TPO: variants seen among roughly 807,000 people sequenced by gnomAD.
TPO encodes thyroid microsomal antigen.
Under a neutral mutation model 96.9 loss-of-function variants are expected in TPO, and 78 were observed. The ratio of observed to expected loss-of-function variants is 0.81; its 90% CI spans 0.67 to 0.97. The LOEUF (loss-of-function observed/expected upper bound fraction) is 0.97. TPO is among the 50% of genes least tolerant of loss of function. TPO has a pLI of 0.00. For missense variants in TPO, 1,252 were observed against 1,274.8 expected, an observed-to-expected ratio of 0.98 and a Z score of 0.27; for synonymous variants, 547 against 538.0, an observed-to-expected ratio of 1.02 and a Z score of -0.23.
intron 14 of TPO, among the ~76,000 whole-genome samples, chr2:1,514,602 T>A (rs1674493283): frequency 6.6e-6 from 1 of 152,100 alleles, no homozygotes; most frequent in African/African-American, 2.4e-5. Flanking sequence ...GGGGTGGCAC[T>A]GAAGAGGTCG....
chr2:1,511,797 G>A (rs1490620580), intron 14 of TPO, among the ~76,000 whole-genome samples: 1 of 152,154 alleles, frequency 6.6e-6, no homozygotes, highest in Non-Finnish European at 1.5e-5. Flanking sequence ...CCCCAAATCA[G>A]CCACATTCTG....
chr2:1,386,393 C>T (rs926999624), intron 1 of TPO, among the ~76,000 whole-genome samples: 36 of 152,154 alleles, frequency 2.4e-4, no homozygotes, highest in African/African-American at 4.1e-4. Context: ...TGAATCTGGG[C>T]GATCCTGTAT....
At chr2:1,482,022 G>A (rs1670693726) in intron 8 of TPO, among the ~76,000 whole-genome samples, 2 of 152,222 alleles carry the variant, frequency 1.3e-5, no homozygotes, top group Admixed American at 1.3e-4. Flanking sequence ...CCTCCCTGGA[G>A]CACCCTCAGC....
chr2:1,375,657 G>A (rs957620300), intron 1 of TPO, among the ~76,000 whole-genome samples: 9 of 152,102 alleles, frequency 5.9e-5, no homozygotes, highest in African/African-American at 1.4e-4. Context: ...TGTGTGACGC[G>A]GGTCCCAAGC....
intron 7 of TPO, among the ~76,000 whole-genome samples, chr2:1,465,535 G>T (rs138182290): frequency 6.6e-6 from 1 of 152,234 alleles, no homozygotes; most frequent in East Asian, 1.9e-4. Context: ...CCATGTGCAT[G>T]GGTTGTGTCC....
intron 1 of TPO, among the ~76,000 whole-genome samples, chr2:1,398,516 C>T (rs1413684687): frequency 1.3e-5 from 2 of 152,182 alleles, no homozygotes; most frequent in South Asian, 2.1e-4. Flanking sequence ...ACCCAGTGGG[C>T]GGCTCCTGTT....
At chr2:1,473,204 C>T (rs1349645603) in intron 7 of TPO, among the ~76,000 whole-genome samples, 6 of 152,296 alleles carry the variant, frequency 3.9e-5, no homozygotes, top group Admixed American at 6.5e-5. Flanking sequence ...TGCTCGAAGT[C>T]GACAGTGACC....
chr2:1,534,354 G>C (rs1472849380), intron 15 of TPO, among the ~76,000 whole-genome samples: 1 of 109,476 alleles, frequency 9.1e-6, no homozygotes, highest in Non-Finnish European at 1.9e-5. Context: ...TCCCTAAGTC[G>C]TCCAACTGTG....
intron 2 of TPO, among the ~76,000 whole-genome samples, chr2:1,418,299 A>AAGAGAG (rs1553296831): frequency 7.5e-5 from 11 of 146,338 alleles, no homozygotes; most frequent in African/African-American, 2.6e-4. Context: ...AAAAAAAAAA[A>AAGAGAG]AGAGAGAGAG....
chr2:1,516,335 C>T lies in TPO; in HGVS notation c.2519-548C>T, dbSNP rs79341390. On this transcript the variant is annotated intron_variant, in intron 14 of 16. Coordinates refer to ENST00000329066, the MANE Select transcript of TPO (RefSeq NM_001206744.2). ...TGAGCTCCAAAATCTGCTGCCATCC[C>T]GTGCCCCCGTCCCCCCAGGGCTCCA... is the stretch of plus-strand genomic sequence containing the variant. 4.8e-3 allele frequency among the ~76,000 whole-genome samples: 730 copies of T among 152,332 alleles called. 9 individuals are homozygous for T. Among genetic ancestry groups the T allele is most frequent in the African/African-American group, 0.016 (685 of 41,580 alleles).
intron 7 of TPO, among the ~76,000 whole-genome samples, chr2:1,476,061 TTTCCC>T (rs1669903257): frequency 1.3e-5 from 2 of 152,244 alleles, no homozygotes; most frequent in African/African-American, 4.8e-5. Context: ...GCTGGCCGCA[TTTCCC>T]TAATGCAGCC....
intron 15 of TPO, among the ~76,000 whole-genome samples, chr2:1,523,111 G>A (rs1675546440): frequency 7.3e-6 from 1 of 136,634 alleles, no homozygotes; most frequent in Non-Finnish European, 1.5e-5. Context: ...TGCGCACTCT[G>A]TGCAACCTCC....
intron 2 of TPO, among the ~76,000 whole-genome samples, chr2:1,422,433 G>A (rs1663851173): frequency 8.6e-6 from 1 of 116,086 alleles, no homozygotes; most frequent in Admixed American, 9.2e-5. Context: ...GCCCCTCAGG[G>A]ACTTCTATTT....
At chr2:1,470,446 C>T (rs545554392) in intron 7 of TPO, among the ~76,000 whole-genome samples, 5 of 151,574 alleles carry the variant, frequency 3.3e-5, no homozygotes, top group Admixed American at 6.6e-5. Flanking sequence ...AAATTTAGGT[C>T]GATTTTCGTC....
intron 2 of TPO, among the ~76,000 whole-genome samples, chr2:1,422,337 C>CCTGGACAGACCTCGTGCAGGTGCCGCG (rs1663712494): frequency 5.5e-4 from 46 of 83,194 alleles, no homozygotes; most frequent in East Asian, 3.1e-3. Context: ...AGGCGCCTCT[C>CCTGGACAGACCTCGTGCAGGTGCCGCG]CTGGACCGAC....
chr2:1,517,945 C>A (rs939961889), intron 15 of TPO, among the ~76,000 whole-genome samples: 9 of 152,216 alleles, frequency 5.9e-5, no homozygotes, highest in Admixed American at 1.3e-4. Context: ...CAGGCTCCCC[C>A]CCCCAATATG....
intron 10 of TPO, among the ~76,000 whole-genome samples, chr2:1,491,908 A>G (rs1671801587): frequency 6.6e-6 from 1 of 152,212 alleles, no homozygotes; most frequent in Non-Finnish European, 1.5e-5. Flanking sequence ...TGCAGATCAC[A>G]GGGCGGCAGA....
At chr2:1,507,354 C>T (rs985879389) in intron 14 of TPO, among the ~76,000 whole-genome samples, 3 of 152,138 alleles carry the variant, frequency 2.0e-5, no homozygotes, top group African/African-American at 7.2e-5. Flanking sequence ...TTAGGATTGA[C>T]TTGGCAATGT....
intron 1 of TPO, among the ~76,000 whole-genome samples, chr2:1,377,849 T>A (rs574120929): frequency 1.3e-5 from 2 of 152,258 alleles, no homozygotes; most frequent in South Asian, 4.1e-4. Flanking sequence ...AGACTCAGAG[T>A]ATGAAGAGCT....
Sources: allele counts gnomAD v4.1 joint callset (sites outside exome capture counted in the v4.1 genomes callset), GRCh38; gene constraint gnomAD v4.1.1; transcripts MANE v1.5; gene names NCBI Gene and HGNC (gene_info 2026-07-23, HGNC 2026-07-21).